FTO: variants seen among roughly 807,000 people sequenced by gnomAD.
FTO encodes FTO alpha-ketoglutarate dependent dioxygenase, also known as alpha-ketoglutarate-dependent dioxygenase FTO.
In FTO, 47 loss-of-function variants were observed where a neutral mutation model predicts 63.9. The ratio of observed to expected loss-of-function variants is 0.74; its 90% CI spans 0.58 to 0.94. FTO has a LOEUF of 0.94. Among genes scored for constraint, FTO ranks in the 40% least tolerant of loss-of-function variants. The pLI is 0.00. For synonymous variants in FTO, 207 were observed against 224.4 expected (o/e 0.92, Z 0.69); for missense variants, 562 against 618.1 (o/e 0.91, Z 0.96).
intron 8 of FTO, chr16:53,979,577 G>A (rs2083498936): frequency 1.0e-5 from 4 of 392,504 alleles, no homozygotes; most frequent in Non-Finnish European, 1.8e-5. Context: ...GCGCGCGTGT[G>A]TGAATTTCTT....
chr16:53,898,613 A>G (rs2081330579), intron 7 of FTO, among the ~76,000 whole-genome samples: 1 of 152,198 alleles, frequency 6.6e-6, no homozygotes, highest in African/African-American at 2.4e-5. Flanking sequence ...CATGTTTGTT[A>G]AAAGAAAGAG....
At chr16:53,739,498 G>A (rs1047494921) in intron 1 of FTO, among the ~76,000 whole-genome samples, 3 of 152,000 alleles carry the variant, frequency 2.0e-5, no homozygotes, top group Admixed American at 6.6e-5. Context: ...ACAGGTGTGA[G>A]CCACTGTGCC....
chr16:54,076,313 G>T (rs796831650), intron 8 of FTO, among the ~76,000 whole-genome samples: 15 of 152,300 alleles, frequency 9.8e-5, no homozygotes, highest in African/African-American at 3.4e-4. Flanking sequence ...CAGTAGGACT[G>T]AGGAGTCAAT....
chr16:54,018,074 T>G (rs570483888), intron 8 of FTO, among the ~76,000 whole-genome samples: 4 of 151,052 alleles, frequency 2.6e-5, no homozygotes, highest in Non-Finnish European at 5.9e-5. Flanking sequence ...TCATCATTAT[T>G]CTAGTACTCT....
intron 7 of FTO, among the ~76,000 whole-genome samples, chr16:53,915,543 T>C (rs1419082361): frequency 6.6e-6 from 1 of 152,202 alleles, no homozygotes; most frequent in Non-Finnish European, 1.5e-5. Flanking sequence ...TCCTTAAGAG[T>C]TAACCAAAAC....
At chr16:53,934,888 G>A (rs907644276) in intron 8 of FTO, among the ~76,000 whole-genome samples, 3 of 152,240 alleles carry the variant, frequency 2.0e-5, no homozygotes, top group Non-Finnish European at 2.9e-5. Context: ...GATTTTTAGG[G>A]TTGACCAACT....
At chr16:53,748,775 T>C (rs2076709697) in intron 1 of FTO, among the ~76,000 whole-genome samples, 1 of 152,036 alleles carries the variant, frequency 6.6e-6, no homozygotes, top group Non-Finnish European at 1.5e-5. Context: ...TTTTATTTTA[T>C]TTTTTTGAAA....
At chr16:54,007,609 C>T (rs1049411812) in intron 8 of FTO, among the ~76,000 whole-genome samples, 1 of 152,224 alleles carries the variant, frequency 6.6e-6, no homozygotes, top group Non-Finnish European at 1.5e-5. Context: ...CTGCAGTGCC[C>T]ATGCATACCA....
intron 8 of FTO, among the ~76,000 whole-genome samples, chr16:54,005,372 AATAC>A (rs2084177676): frequency 6.8e-6 from 1 of 147,826 alleles, no homozygotes; most frequent in South Asian, 2.1e-4. Context: ...ATAAATATAT[AATAC>A]ATATATAAAT....
rs1174600287 is a variant in FTO at position 54,116,481 on chromosome 16, T to C, written c.*4566T>C. The C allele has an allele frequency of 1.3e-5, 2 of 152,154 alleles. No homozygotes were observed. Among genetic ancestry groups the C allele is most frequent in the Non-Finnish European group, 2.9e-5 (2 of 68,044 alleles). 9.4% of individuals were successfully genotyped at this position (152,154 alleles called of 1,614,324 possible). A position where few individuals can be genotyped will look rare whatever the true frequency, so the allele number is the denominator to read the frequency against. ...CCTTTGTTACTCTGTGATTAAATGG[T>C]ATTTTTAATTAAGTTTCATTGGGAG... On this transcript the variant is annotated 3_prime_UTR_variant, in exon 9 of 9. Transcript: ENST00000471389.
At chr16:53,804,578 A>T (rs1328653561) in intron 1 of FTO, among the ~76,000 whole-genome samples, 1 of 151,496 alleles carries the variant, frequency 6.6e-6, no homozygotes, top group Non-Finnish European at 1.5e-5. Context: ...TCTAAAGCAA[A>T]TATGGTATAT....
intron 8 of FTO, among the ~76,000 whole-genome samples, chr16:53,954,373 C>T (rs775864048): frequency 2.0e-5 from 3 of 151,970 alleles, no homozygotes; most frequent in Non-Finnish European, 2.9e-5. Flanking sequence ...TCAGAGGGTA[C>T]ATAGGGTTTT....
At chr16:53,745,625 G>A (rs900064261) in intron 1 of FTO, among the ~76,000 whole-genome samples, 2 of 152,196 alleles carry the variant, frequency 1.3e-5, no homozygotes, top group African/African-American at 4.8e-5. Flanking sequence ...AGTGTAGGGT[G>A]TATAGGAGAG....
chr16:53,968,693 T>C (rs2083249062), intron 8 of FTO, among the ~76,000 whole-genome samples: 1 of 152,250 alleles, frequency 6.6e-6, no homozygotes, highest in Admixed American at 6.5e-5. Context: ...CATGTGTGTG[T>C]TGAGTCAGAT....
chr16:53,717,072 C>T (rs571562186), intron 1 of FTO, among the ~76,000 whole-genome samples: 1 of 150,698 alleles, frequency 6.6e-6, no homozygotes, highest in South Asian at 2.1e-4. Flanking sequence ...GATTTTTTTC[C>T]ATCCTATCAT....
At chr16:53,738,148 G>T (rs142231137) in intron 1 of FTO, among the ~76,000 whole-genome samples, 1 of 151,030 alleles carries the variant, frequency 6.6e-6, no homozygotes, top group African/African-American at 2.4e-5. Context: ...TCAGCCTTCC[G>T]GGTAGCTGGG....
chr16:53,922,779 A>C (rs2082037590), intron 7 of FTO, among the ~76,000 whole-genome samples: 1 of 152,200 alleles, frequency 6.6e-6, no homozygotes, highest in Admixed American at 6.5e-5. Flanking sequence ...CAGTAGAACA[A>C]CTGGGAAATA....
chr16:53,995,144 C>A (rs1174333430), intron 8 of FTO, among the ~76,000 whole-genome samples: 4 of 152,188 alleles, frequency 2.6e-5, no homozygotes, highest in African/African-American at 7.2e-5. Flanking sequence ...GGCACTGTCT[C>A]CAGATCTTCA....
intron 8 of FTO, among the ~76,000 whole-genome samples, chr16:54,008,256 C>T (rs1318186946): frequency 6.6e-6 from 1 of 152,050 alleles, no homozygotes; most frequent in Non-Finnish European, 1.5e-5. Flanking sequence ...AACTAATGAA[C>T]CCACCGACAA....
Sources: allele counts gnomAD v4.1 joint callset (sites outside exome capture counted in the v4.1 genomes callset), GRCh38; gene constraint gnomAD v4.1.1; transcripts MANE v1.5; gene names NCBI Gene and HGNC (gene_info 2026-07-23, HGNC 2026-07-21).